Variants in ZNF461 observed in about 807,000 individuals in gnomAD.
ZNF461 encodes the protein zinc finger protein 461, also known as gonadotropin-inducible ovarian transcription factor-1.
ZNF461 carries 16 observed loss-of-function variants against 18.3 expected under a neutral mutation model. The observed-to-expected ratio is 0.88, with a 90% CI of 0.59 to 1.33. The LOEUF (loss-of-function observed/expected upper bound fraction) is 1.33. Ranked by LOEUF, ZNF461 falls within the 40% of genes most tolerant of loss-of-function variation. The pLI is 0.00. For synonymous variants in ZNF461, 179 were observed against 216.9 expected (o/e 0.83, Z 1.54); for missense variants, 595 against 669.9 (o/e 0.89, Z 1.23).
chr19:36,653,292 T>TA (rs1308231827), intron 4 of ZNF461, among the ~76,000 whole-genome samples: 1 of 152,186 alleles, frequency 6.6e-6, no homozygotes, highest in Non-Finnish European at 1.5e-5. Context: ...TACATGAATG[T>TA]AAAAAACAAA....
chr19:36,649,622 C>T (rs1037415754), intron 4 of ZNF461, among the ~76,000 whole-genome samples: 2 of 152,096 alleles, frequency 1.3e-5, no homozygotes, highest in Non-Finnish European at 1.5e-5. Context: ...TGAGCCACTG[C>T]GCCCGGCCTG....
Position 36,636,913 on chromosome 19 carries a change from T to G in ZNF461, c.*1740A>C, listed in dbSNP as rs2037302579. Among the ~76,000 whole-genome samples the G allele has an allele frequency of 6.6e-6, 1 of 152,168 alleles. No homozygotes were observed. The highest frequency in any genetic ancestry group is 1.5e-5 in the Non-Finnish European group (1 of 68,032). ...CACATTCCAATGCTTCAAAGGAGTG[T>G]CTTTCTCCTTGAGCACAGTGTTTAT... On this transcript the variant is annotated 3_prime_UTR_variant, in exon 6 of 6. Transcript: ENST00000588268.
At chr19:36,656,160 G>T (rs2145403965) in intron 4 of ZNF461, among the ~76,000 whole-genome samples, 1 of 152,038 alleles carries the variant, frequency 6.6e-6, no homozygotes, top group African/African-American at 2.4e-5. Context: ...ACTGCGCCCG[G>T]CTAATTTTTT....
In ZNF461 at chr19:36,638,860, T is replaced by C. The variant is rs1302948566; in HGVS notation, c.1485A>G (p.Lys495=). 1 of 1,612,764 alleles carries C rather than the reference T, an allele frequency of 6.2e-7. No homozygotes were observed. The highest frequency in any genetic ancestry group is 1.1e-5 in the South Asian group (1 of 90,834). The change falls in exon 6 of 6, where the codon AAA becomes AAG. Residue 495 remains lysine, a synonymous_variant. Transcript: ENST00000588268. ...TCCCACATTCCTTACATTCATAGGG[T>C]TTCTCACCAGTATGAATTCTTTGAT... ...IQHQRIHTGE[K]PYECKECGKA...
chr19:36,643,064 C>T (rs529418520), intron 5 of ZNF461, among the ~76,000 whole-genome samples: 15 of 152,204 alleles, frequency 9.9e-5, no homozygotes, highest in Admixed American at 9.2e-4. Flanking sequence ...CCACCGCACT[C>T]GGCCAGCGGA....
chr19:36,661,211 G>A (rs755198791), intron 2 of ZNF461, among the ~76,000 whole-genome samples: 5 of 151,748 alleles, frequency 3.3e-5, no homozygotes, highest in African/African-American at 7.3e-5. Flanking sequence ...CTAGGAGTTC[G>A]AGGCTGCAAT....
rs1041229560 is a variant in ZNF461, at chr19:36,643,945, C to G, written c.233-83G>C. 6.3e-5 allele frequency: 73 copies of G among 1,161,924 alleles called. No individual in the cohort carries two copies. In the Admixed American group the frequency reaches 1.8e-3, roughly 28 times the overall value. 72.0% of individuals were successfully genotyped at this position (1,161,924 alleles called of 1,614,324 possible). A position where few individuals can be genotyped will look rare whatever the true frequency, so the allele number is the denominator to read the frequency against. On this transcript the variant is annotated intron_variant, in intron 4 of 5. Coordinates refer to ENST00000588268, the MANE Select transcript of ZNF461 (RefSeq NM_153257.5). ...AAAAAGAGAATATCTATTTCTTTTT[C>G]TTTTTAGACAGAGTTTCGCTCTTGT...
chr19:36,660,703 A>T (rs548671966), intron 2 of ZNF461, among the ~76,000 whole-genome samples: 5 of 150,648 alleles, frequency 3.3e-5, no homozygotes, highest in African/African-American at 7.3e-5. Flanking sequence ...GATTTTTTTA[A>T]AAAAAAAAAG....
At chr19:36,656,644 G>T (rs1037230092) in intron 3 of ZNF461, 101 bp from the exon 4 acceptor site, 1 of 925,530 alleles carries the variant, frequency 1.1e-6, no homozygotes, top group Non-Finnish European at 1.6e-6. Flanking sequence ...GATAAAAATG[G>T]TACTTGATAA....
At chr19:36,641,285 C>G (rs2037417866) in intron 5 of ZNF461, among the ~76,000 whole-genome samples, 1 of 151,986 alleles carries the variant, frequency 6.6e-6, no homozygotes, top group Non-Finnish European at 1.5e-5. Flanking sequence ...TTTGGGAGAC[C>G]TAGGCGGGTA....
At chr19:36,657,069 C>T in intron 3 of ZNF461, among the ~76,000 whole-genome samples, 1 of 151,852 alleles carries the variant, frequency 6.6e-6, no homozygotes, top group Non-Finnish European at 1.5e-5. Context: ...ATCCACTTGC[C>T]TCAGCGTCCC....
chr19:36,656,154 C>T lies in ZNF461; in HGVS notation c.232+294G>A, dbSNP rs995191727. Among the ~76,000 whole-genome samples the T allele has an allele frequency of 1.1e-4, 16 of 152,012 alleles. No individual in the cohort carries two copies. In the East Asian group the frequency reaches 2.5e-3, roughly 24 times the overall value. On this transcript the variant is annotated intron_variant, in intron 4 of 5. Transcript: ENST00000588268. ...CTGGGACTACAGGCGCCCACCACTGCGCCCGGCTAATTTTTTGTATTTTTA... is the reference window on the plus strand; with the variant it reads ...CTGGGACTACAGGCGCCCACCACTGTGCCCGGCTAATTTTTTGTATTTTTA...
intron 4 of ZNF461, among the ~76,000 whole-genome samples, chr19:36,647,549 AAAAT>A (rs2037549926): frequency 6.6e-6 from 1 of 152,182 alleles, no homozygotes; most frequent in African/African-American, 2.4e-5. Flanking sequence ...AAAAAAGCAA[AAAAT>A]AAATAAATAA....
At position 36,639,137 on chromosome 19, in the gene ZNF461, T is replaced by C; in HGVS notation, c.1208A>G (p.His403Arg). The C allele has an allele frequency of 6.2e-7, 1 of 1,614,050 alleles. No homozygotes were observed. The highest frequency in any genetic ancestry group is 8.5e-7 in the Non-Finnish European group (1 of 1,180,004). ...TTTCTTGCCAGAATGAATTTTCTGATGGTGTGAGAAGCTTGAGTGATAGCT... is the reference window on the plus strand; with the variant it reads ...TTTCTTGCCAGAATGAATTTTCTGACGGTGTGAGAAGCTTGAGTGATAGCT... ...AFSYHSSFSH[H>R]QKIHSGKKPY... The change falls in exon 6 of 6, where the codon CAT becomes CGT. Residue 403 changes from histidine (H) to arginine (R), a missense_variant. Physicochemically the swap from His to Arg is conservative, Grantham distance 29. Transcript: ENST00000588268.
intron 4 of ZNF461, among the ~76,000 whole-genome samples, chr19:36,645,670 C>A (rs963557813): frequency 9.9e-5 from 15 of 152,098 alleles, no homozygotes; most frequent in Non-Finnish European, 1.6e-4. Flanking sequence ...AACAAAAAAA[C>A]ATGTACCTTC....
At chr19:36,652,372 G>A (rs1417305929) in intron 4 of ZNF461, among the ~76,000 whole-genome samples, 5 of 151,228 alleles carry the variant, frequency 3.3e-5, no homozygotes, top group East Asian at 2.0e-4. Flanking sequence ...GTGGTGGCAC[G>A]TGCCTGTAAT....
At chr19:36,661,103 G>A (rs879761349) in intron 2 of ZNF461, among the ~76,000 whole-genome samples, 19 of 151,822 alleles carry the variant, frequency 1.3e-4, no homozygotes, top group Non-Finnish European at 2.5e-4. Context: ...AAGCGAGATC[G>A]CATCTCTACA....
At chr19:36,658,230 C>A in intron 3 of ZNF461, 69 bp downstream of exon 3, 1 of 1,493,414 alleles carries the variant, frequency 6.7e-7, no homozygotes, top group Admixed American at 2.3e-5. Context: ...GCAGAAATTC[C>A]AAGAAGTAGA....
At chr19:36,651,667 A>G (rs894458274) in intron 4 of ZNF461, among the ~76,000 whole-genome samples, 4 of 152,240 alleles carry the variant, frequency 2.6e-5, no homozygotes, top group Non-Finnish European at 5.9e-5. Flanking sequence ...TAAGATGCTA[A>G]TAAAAGAAAT....
Sources: allele counts gnomAD v4.1 joint callset (sites outside exome capture counted in the v4.1 genomes callset), GRCh38; gene constraint gnomAD v4.1.1; transcripts MANE v1.5; gene names NCBI Gene and HGNC (gene_info 2026-07-23, HGNC 2026-07-21).